The following KLHL18 variants were observed in gnomAD, a reference collection of about 807,000 sequenced individuals.
The protein encoded by KLHL18 is kelch-like protein 18.
A neutral mutation model predicts 58.5 loss-of-function variants in KLHL18; 38 were observed. The ratio of observed to expected loss-of-function variants is 0.65; its 90% CI spans 0.50 to 0.85. The LOEUF (loss-of-function observed/expected upper bound fraction) is 0.85. Among genes scored for constraint, KLHL18 ranks in the 40% least tolerant of loss-of-function variants. The pLI is 0.00. For missense variants in KLHL18, 624 were observed against 778.4 expected, an observed-to-expected ratio of 0.80 and a Z score of 2.36; for synonymous variants, 303 against 301.9, an observed-to-expected ratio of 1.00 and a Z score of -0.04.
At chr3:47,319,623 A>G (rs1703537589) in intron 1 of KLHL18, 30 bp from the exon 2 acceptor site, 4 of 1,608,908 alleles carry the variant, frequency 2.5e-6, no homozygotes, top group African/African-American at 1.3e-5. Flanking sequence ...ATTCCTCAAT[A>G]TCTGTCTTTG....
At chr3:47,316,276 AG>A (rs1244649303) in intron 1 of KLHL18, among the ~76,000 whole-genome samples, 1 of 151,930 alleles carries the variant, frequency 6.6e-6, no homozygotes, top group Non-Finnish European at 1.5e-5. Flanking sequence ...GCTTCTAGAG[AG>A]CACAGTTACA....
At chr3:47,322,464 C>CA (rs1703611013) in intron 2 of KLHL18, 104 bp from the exon 3 acceptor site, 1 of 1,143,348 alleles carries the variant, frequency 8.7e-7, no homozygotes, top group East Asian at 2.8e-5. Context: ...GATAGATTCT[C>CA]AAAGGGCCTG....
chr3:47,294,032 C>G (rs997653213), intron 1 of KLHL18, among the ~76,000 whole-genome samples: 1 of 152,188 alleles, frequency 6.6e-6, no homozygotes, highest in African/African-American at 2.4e-5. Context: ...AACCACTGTC[C>G]TAATTGAGAT....
At chr3:47,336,142 G>A (rs762806491) in intron 6 of KLHL18, among the ~76,000 whole-genome samples, 11 of 152,184 alleles carry the variant, frequency 7.2e-5, no homozygotes, top group Non-Finnish European at 1.3e-4. Flanking sequence ...GTGAAGCAGA[G>A]GGTGGGGACA....
At chr3:47,341,769 C>T (rs1168734689) in intron 8 of KLHL18, among the ~76,000 whole-genome samples, 1 of 151,806 alleles carries the variant, frequency 6.6e-6, no homozygotes, top group African/African-American at 2.4e-5. Context: ...TGAAGAACCA[C>T]ATGAAGGGCT....
In KLHL18 at chr3:47,334,907, C is replaced by A; in HGVS notation, c.898+88C>A. ...CAAATTAGCCTGGCCCTTCTGGTTT[C>A]TCTGTTTTGTACTGTCACCACCCTT... On this transcript the variant is annotated intron_variant, in intron 6 of 9. Transcript: ENST00000232766. The surrounding 1 kb of genome is among the most constrained non-coding windows in gnomAD (Gnocchi z 4.7). 1 of 1,412,552 alleles carries A rather than the reference C, an allele frequency of 7.1e-7. No individual in the cohort carries two copies. The allele number at this position is 1,412,552 out of a possible 1,614,324, so 87.5% of individuals were successfully genotyped here.
chr3:47,293,181 TGAA>T (rs1320379412), intron 1 of KLHL18, among the ~76,000 whole-genome samples: 1 of 152,164 alleles, frequency 6.6e-6, no homozygotes, highest in Non-Finnish European at 1.5e-5. Context: ...TTTGGGAAGA[TGAA>T]GAATTCTGGA....
intron 1 of KLHL18, among the ~76,000 whole-genome samples, chr3:47,306,389 A>G (rs1010760461): frequency 6.6e-6 from 1 of 152,192 alleles, no homozygotes; most frequent in Non-Finnish European, 1.5e-5. Context: ...ATATCATTGT[A>G]AGAGAGGAAA....
chr3:47,296,996 G>A lies in KLHL18; in HGVS notation c.129+13902G>A, dbSNP rs374865140. Among the ~76,000 whole-genome samples the A allele has an allele frequency of 1.0e-3, 157 of 152,312 alleles. 2 individuals carry two copies. The highest frequency in any genetic ancestry group is 3.6e-3 in the African/African-American group (150 of 41,570). On this transcript the variant is annotated intron_variant, in intron 1 of 9. Coordinates refer to ENST00000232766, the MANE Select transcript of KLHL18 (RefSeq NM_025010.5). ...GCTCCCATTCTACCTTGCTGGATCT[G>A]AGTAGTAGGAAGTGGGGGGAGGGTT...
chr3:47,343,499 A>G, intron 9 of KLHL18, 56 bp from the exon 10 acceptor site: 2 of 1,604,744 alleles, frequency 1.2e-6, no homozygotes, highest in Non-Finnish European at 1.7e-6. Context: ...CGGTCACTCC[A>G]TGGACTGAGC....
chr3:47,297,509 T>C (rs1342358236), intron 1 of KLHL18: 1 of 456,174 alleles, frequency 2.2e-6, no homozygotes, highest in African/African-American at 2.0e-5. Flanking sequence ...AGTCAGGCCC[T>C]CCACAAATTG....
chr3:47,345,980 C>T lies in KLHL18; in HGVS notation c.*2039C>T, dbSNP rs1231443214. ...GGCTCGTGGTAGGGCTCCAGCATTT[C>T]TCCCTCCTTCCTGGTTTGCCTGTAG... On this transcript the variant is annotated 3_prime_UTR_variant, in exon 10 of 10. Coordinates refer to ENST00000232766, the MANE Select transcript of KLHL18 (RefSeq NM_025010.5). The T allele has an allele frequency of 6.6e-6, 1 of 152,602 alleles. No homozygotes were observed. Among genetic ancestry groups the T allele is most frequent in the African/African-American group, 2.4e-5 (1 of 41,440 alleles). 9.5% of individuals were successfully genotyped at this position (152,602 alleles called of 1,614,324 possible).
At chr3:47,330,243 T>A (rs949613504) in intron 4 of KLHL18, 94 bp downstream of exon 4, 1 of 1,135,690 alleles carries the variant, frequency 8.8e-7, no homozygotes, top group Non-Finnish European at 1.3e-6. Context: ...AAAGTTAAGA[T>A]CATGACATGT....
rs1269651731 is a variant in KLHL18, at chr3:47,316,971, A to G, written c.130-2682A>G. Among the ~76,000 whole-genome samples, 3 of 151,960 alleles carry G rather than the reference A, an allele frequency of 2.0e-5. No individual in the cohort carries two copies. The East Asian group carries it at 5.8e-4, about 29-fold the overall frequency. ...AAACAAAAGAACTAGAAGACAATGG[A>G]GCAATACTTTCAAAATTTTGACAGG... is the stretch of plus-strand genomic sequence containing the variant. On this transcript the variant is annotated intron_variant, in intron 1 of 9. Transcript: ENST00000232766.
rs1242460940 is a variant in KLHL18, at chr3:47,330,011, G to C, written c.462G>C (p.Val154=). The C allele has an allele frequency of 1.9e-6, 3 of 1,613,960 alleles. No homozygotes were observed. The highest frequency in any genetic ancestry group is 2.5e-6 in the Non-Finnish European group (3 of 1,180,030). ...RQFAETMMCA[V]LYDAANSFIH... ...TTGCTGAGACAATGATGTGTGCTGT[G>C]CTGTACGACGCTGCCAACAGCTTCA... The change falls in exon 4 of 10, where the codon GTG becomes GTC. Residue 154 remains valine, a synonymous_variant. Coordinates refer to ENST00000232766, the MANE Select transcript of KLHL18 (RefSeq NM_025010.5).
At chr3:47,309,660 G>T (rs1325206139) in intron 1 of KLHL18, among the ~76,000 whole-genome samples, 1 of 152,228 alleles carries the variant, frequency 6.6e-6, no homozygotes, top group Non-Finnish European at 1.5e-5. Flanking sequence ...GCTGGGAGGT[G>T]GAGGTTGTAG....
chr3:47,336,575 C>T lies in KLHL18; in HGVS notation c.939C>T (p.Ala313=). Residue 313 remains alanine (A), a synonymous_variant, in exon 7 of 10, where the codon GCC becomes GCT. Transcript: ENST00000232766. ...TGGTGGAAGTGTTCGACCCCATTGC[C>T]AATTGCTGGGAGAGATGCCGTCCCA... The part of the protein sequence containing the change: ...LNVVEVFDPI[A]NCWERCRPMT... 2 of 1,614,188 alleles carry T rather than the reference C, an allele frequency of 1.2e-6. No individual in the cohort carries two copies. The highest frequency in any genetic ancestry group is 1.7e-6 in the Non-Finnish European group (2 of 1,180,014).
Position 47,328,632 on chromosome 3 carries a change from T to C in KLHL18, c.402-1319T>C, listed in dbSNP as rs558005198. On this transcript the variant is annotated intron_variant, in intron 3 of 9. Coordinates refer to ENST00000232766, the MANE Select transcript of KLHL18 (RefSeq NM_025010.5). ...ATGTGCACAAGAGTCCTGATTTCAATCTCAGCACCACCACTTGCTTATCTC... is the reference window on the plus strand; with the variant it reads ...ATGTGCACAAGAGTCCTGATTTCAACCTCAGCACCACCACTTGCTTATCTC... Among the ~76,000 whole-genome samples, 4 of 152,226 alleles carry C rather than the reference T, an allele frequency of 2.6e-5. No individual in the cohort carries two copies. The East Asian group carries it at 7.7e-4, about 29-fold the overall frequency.
rs559278753 is a variant in KLHL18, at chr3:47,303,278, C to T, written c.130-16375C>T. ...CTTCCATAGCATTGGCAATCCTTTC[C>T]ATACAGTACTGTGTATAATGAGCTT... is the stretch of plus-strand genomic sequence containing the variant. On this transcript the variant is annotated intron_variant, in intron 1 of 9. Transcript: ENST00000232766. Among the ~76,000 whole-genome samples the T allele has an allele frequency of 6.9e-4, 105 of 152,160 alleles. 1 individual carries two copies. The highest frequency in any genetic ancestry group is 5.6e-4 in the Non-Finnish European group (38 of 68,036).
Sources: gnomAD v4.1 joint callset for allele counts (sites outside exome capture counted in the v4.1 genomes callset) on GRCh38, gnomAD v4.1.1 for gene constraint, Gnocchi (gnomAD v3.1) non-coding constraint, MANE v1.5 for transcripts, NCBI Gene and HGNC (gene_info 2026-07-23, HGNC 2026-07-21) for gene names.